The following CSMD1 variants were observed in gnomAD, a reference collection of about 807,000 sequenced individuals.
The protein encoded by CSMD1 is CUB and sushi domain-containing protein 1.
In CSMD1, 213 loss-of-function variants were observed where a neutral mutation model predicts 417.5. That is an observed-to-expected ratio of 0.51 (90% confidence interval 0.46 to 0.57). CSMD1 has a LOEUF of 0.57. Among genes scored for constraint, CSMD1 ranks in the 20% least tolerant of loss-of-function variants. The pLI is 0.00. For synonymous variants in CSMD1, 2,862 were observed against 1,736.8 expected (o/e 1.65, Z -16.11); for missense variants, 6,923 against 4,529.7 (o/e 1.53, Z -15.17).
chr8:3,586,282 A>AG (rs1800597192), intron 8 of CSMD1, 22 bp from the exon 9 acceptor site: 1 of 1,549,918 alleles, frequency 6.5e-7, no homozygotes, highest in African/African-American at 1.4e-5. Context: ...AAAAAGAAAA[A>AG]AAAAAACCCA....
At chr8:3,172,109 A>G (rs1053879744) in intron 37 of CSMD1, among the ~76,000 whole-genome samples, 1 of 152,202 alleles carries the variant, frequency 6.6e-6, no homozygotes, top group South Asian at 2.1e-4. Flanking sequence ...TGTAAAATCA[A>G]TGACTTCCAA....
At chr8:4,270,222 C>A (rs1804498805) in intron 3 of CSMD1, among the ~76,000 whole-genome samples, 1 of 152,190 alleles carries the variant, frequency 6.6e-6, no homozygotes, top group African/African-American at 2.4e-5. Context: ...GTGCAAATCA[C>A]ACCAGGCATT....
intron 5 of CSMD1, among the ~76,000 whole-genome samples, chr8:3,943,812 C>G (rs1811051516): frequency 6.6e-6 from 1 of 152,024 alleles, no homozygotes; most frequent in Non-Finnish European, 1.5e-5. Flanking sequence ...GGCCCTTACT[C>G]TCCAAAAGTG....
intron 10 of CSMD1, among the ~76,000 whole-genome samples, chr8:3,495,886 C>CT (rs1013742955): frequency 2.0e-5 from 3 of 152,120 alleles, no homozygotes; most frequent in Non-Finnish European, 4.4e-5. Context: ...CTCCATATTT[C>CT]TTTTTTTACA....
chr8:4,404,279 T>C lies in CSMD1; in HGVS notation c.415+15674A>G, dbSNP rs148468295. Reference sequence around the variant, plus strand: ...TATATATTTATGTCATCTATCACCTTATGATATGCTGTATATTTCAATCAT... The same window carrying C: ...TATATATTTATGTCATCTATCACCTCATGATATGCTGTATATTTCAATCAT... On this transcript the variant is annotated intron_variant, in intron 3 of 69. Coordinates refer to ENST00000635120, the MANE Select transcript of CSMD1 (RefSeq NM_033225.6). Among the ~76,000 whole-genome samples the C allele has an allele frequency of 4.6e-5, 7 of 152,304 alleles. No homozygotes were observed. The East Asian group carries it at 1.4e-3, about 29-fold the overall frequency.
intron 26 of CSMD1, among the ~76,000 whole-genome samples, chr8:3,274,264 C>G (rs56312370): frequency 0.27 from 41,413 of 151,366 alleles, 5,799 homozygotes; most frequent in African/African-American, 0.34. Flanking sequence ...ATCCTGAGTT[C>G]TAGTTTGATT....
At chr8:4,575,819 C>T (rs757287482) in intron 2 of CSMD1, among the ~76,000 whole-genome samples, 8 of 152,126 alleles carry the variant, frequency 5.3e-5, no homozygotes, top group Admixed American at 3.9e-4. Context: ...AGTCTGAGGT[C>T]GCAATGTCCT....
chr8:3,455,650 G>A (rs937407583), intron 12 of CSMD1, among the ~76,000 whole-genome samples: 2 of 152,206 alleles, frequency 1.3e-5, no homozygotes, highest in Non-Finnish European at 2.9e-5. Flanking sequence ...AGCAAATGCT[G>A]CTGCCTGATC....
chr8:3,819,423 G>C (rs1277300409), intron 5 of CSMD1, among the ~76,000 whole-genome samples: 3 of 151,926 alleles, frequency 2.0e-5, no homozygotes, highest in African/African-American at 7.3e-5. Flanking sequence ...TTATCAACAA[G>C]GTAAAGAAAG....
At chr8:4,321,199 T>C (rs558868449) in intron 3 of CSMD1, among the ~76,000 whole-genome samples, 1 of 152,156 alleles carries the variant, frequency 6.6e-6, no homozygotes, top group East Asian at 1.9e-4. Flanking sequence ...GTTCAACATG[T>C]GTGTCCAGTG....
intron 25 of CSMD1, among the ~76,000 whole-genome samples, chr8:3,295,713 A>G (rs555710928): frequency 2.0e-5 from 3 of 152,216 alleles, no homozygotes; most frequent in Admixed American, 1.3e-4. Context: ...TTGTTTTATT[A>G]TATCTTTAGG....
At chr8:3,735,074 G>C (rs974315930) in intron 6 of CSMD1, among the ~76,000 whole-genome samples, 1 of 152,148 alleles carries the variant, frequency 6.6e-6, no homozygotes, top group Non-Finnish European at 1.5e-5. Context: ...GAGGACACAC[G>C]CCAGCCACCA....
intron 3 of CSMD1, among the ~76,000 whole-genome samples, chr8:4,100,551 A>G (rs1235480825): frequency 6.6e-6 from 1 of 152,230 alleles, no homozygotes; most frequent in Non-Finnish European, 1.5e-5. Context: ...GGATCAAATC[A>G]AAGAATGTAT....
chr8:4,141,896 A>G (rs953351018), intron 3 of CSMD1, among the ~76,000 whole-genome samples: 2 of 151,120 alleles, frequency 1.3e-5, no homozygotes, highest in African/African-American at 4.9e-5. Flanking sequence ...AGGAAAGAAA[A>G]CATGAGAACT....
intron 18 of CSMD1, among the ~76,000 whole-genome samples, chr8:3,371,777 CAA>C (rs1809968504): frequency 6.6e-6 from 1 of 152,032 alleles, no homozygotes; most frequent in South Asian, 2.1e-4. Flanking sequence ...TAAAAATCGG[CAA>C]AAGAGAAAAT....
intron 1 of CSMD1, among the ~76,000 whole-genome samples, chr8:4,909,035 T>C (rs1218788553): frequency 5.3e-5 from 8 of 152,164 alleles, no homozygotes; most frequent in Admixed American, 4.6e-4. Context: ...ATAAAAAATG[T>C]GATAAGCAGG....
chr8:4,462,627 T>G (rs1326060720), intron 2 of CSMD1, among the ~76,000 whole-genome samples: 1 of 152,232 alleles, frequency 6.6e-6, no homozygotes, highest in African/African-American at 2.4e-5. Flanking sequence ...TCCATTATGC[T>G]TGCATTAGAC....
At chr8:3,152,516 T>C (rs1394446705) in intron 39 of CSMD1, among the ~76,000 whole-genome samples, 1 of 152,194 alleles carries the variant, frequency 6.6e-6, no homozygotes, top group Non-Finnish European at 1.5e-5. Context: ...AGCCTTTTTC[T>C]TTTTTAATCA....
intron 40 of CSMD1, among the ~76,000 whole-genome samples, chr8:3,147,898 A>G (rs995920619): frequency 1.4e-4 from 21 of 152,170 alleles, no homozygotes; most frequent in African/African-American, 4.8e-4. Context: ...TGCGTGAACT[A>G]CCTATCACAT....
Sources: gnomAD v4.1 joint callset for allele counts (sites outside exome capture counted in the v4.1 genomes callset) on GRCh38, gnomAD v4.1.1 for gene constraint, MANE v1.5 for transcripts, NCBI Gene and HGNC (gene_info 2026-07-23, HGNC 2026-07-21) for gene names.